The following CNTN4 variants were observed in gnomAD, a reference collection of about 807,000 sequenced individuals.
CNTN4 encodes contactin 4.
Under a neutral mutation model 122.5 loss-of-function variants are expected in CNTN4, and 77 were observed. The ratio of observed to expected loss-of-function variants is 0.63; its 90% confidence interval spans 0.52 to 0.76. CNTN4 has a LOEUF of 0.76. Ranked by LOEUF, CNTN4 falls within the 30% of genes least tolerant of loss-of-function variation. The pLI is 0.00. For missense variants in CNTN4, 1,256 were observed against 1,259.1 expected, an observed-to-expected ratio of 1.00 and a Z score of 0.04; for synonymous variants, 512 against 447.0, an observed-to-expected ratio of 1.15 and a Z score of -1.83.
At chr3:2,951,254 C>T (rs188902027) in intron 13 of CNTN4, among the ~76,000 whole-genome samples, 174 of 152,142 alleles carry the variant, frequency 1.1e-3, no homozygotes, top group Non-Finnish European at 1.9e-3. Context: ...CCACAGATGG[C>T]GGGTGGGGTG....
chr3:2,682,224 C>T (rs1021432903), intron 4 of CNTN4, among the ~76,000 whole-genome samples: 3 of 152,194 alleles, frequency 2.0e-5, no homozygotes, highest in African/African-American at 7.2e-5. Flanking sequence ...CATTTATGAT[C>T]TCTTGGAGGA....
chr3:2,807,007 TG>T (rs2092483132), intron 6 of CNTN4, among the ~76,000 whole-genome samples: 1 of 152,216 alleles, frequency 6.6e-6, no homozygotes, highest in African/African-American at 2.4e-5. Flanking sequence ...TTATTTTATT[TG>T]TCATCTCTTA....
intron 6 of CNTN4, among the ~76,000 whole-genome samples, chr3:2,788,270 A>G (rs972026441): frequency 1.1e-4 from 17 of 152,190 alleles, no homozygotes; most frequent in African/African-American, 4.1e-4. Context: ...GGATTTTTGA[A>G]ATGTGAATTG....
At chr3:2,276,088 G>A (rs999118910) in intron 2 of CNTN4, among the ~76,000 whole-genome samples, 6 of 151,796 alleles carry the variant, frequency 4.0e-5, no homozygotes, top group Admixed American at 2.6e-4. Flanking sequence ...ACGTATATAT[G>A]CAAATATGTT....
intron 3 of CNTN4, among the ~76,000 whole-genome samples, chr3:2,522,210 TATTAC>T (rs2077246658): frequency 6.6e-6 from 1 of 151,508 alleles, no homozygotes; most frequent in East Asian, 1.9e-4. Flanking sequence ...ATATGAAAGA[TATTAC>T]ATTACTACCA....
Position 2,764,875 on chromosome 3 carries a change from A to G in CNTN4, c.358+19178A>G, listed in dbSNP as rs75405502. Among the ~76,000 whole-genome samples, 614 of 152,280 alleles carry G rather than the reference A, an allele frequency of 4.0e-3. 5 individuals are homozygous for G. The highest frequency in any genetic ancestry group is 0.013 in the African/African-American group (557 of 41,532). On this transcript the variant is annotated intron_variant, in intron 6 of 24. Transcript: ENST00000418658. ...ATGTTCCCATTTTACGAAGGAGAGA[A>G]CTCAGACATAAAAAAATTAAATAAC...
At chr3:2,752,610 C>A (rs930553230) in intron 6 of CNTN4, among the ~76,000 whole-genome samples, 4 of 152,190 alleles carry the variant, frequency 2.6e-5, no homozygotes, top group Non-Finnish European at 4.4e-5. Flanking sequence ...CTCGGCCTCC[C>A]AAAGTGCTGG....
At chr3:3,003,679 T>G (rs1696266837) in intron 14 of CNTN4, among the ~76,000 whole-genome samples, 2 of 111,584 alleles carry the variant, frequency 1.8e-5, no homozygotes, top group Non-Finnish European at 3.4e-5. Context: ...TAGTCATGGT[T>G]GCACCAAAAA....
chr3:2,596,520 A>T (rs976751576), intron 4 of CNTN4, among the ~76,000 whole-genome samples: 1 of 152,240 alleles, frequency 6.6e-6, no homozygotes, highest in Admixed American at 6.5e-5. Flanking sequence ...ATATATATTT[A>T]CACATCTATA....
At chr3:2,943,848 T>A (rs1449346198) in intron 13 of CNTN4, among the ~76,000 whole-genome samples, 1 of 151,572 alleles carries the variant, frequency 6.6e-6, no homozygotes, top group East Asian at 1.9e-4. Context: ...GGTCTCGATC[T>A]CCTGACCTCG....
chr3:2,217,517 T>A (rs1379343071), intron 2 of CNTN4, among the ~76,000 whole-genome samples: 1 of 152,214 alleles, frequency 6.6e-6, no homozygotes, highest in African/African-American at 2.4e-5. Context: ...CCTTTTTGAG[T>A]AATCTTTGAA....
chr3:2,590,485 A>G (rs1338912641), intron 4 of CNTN4, among the ~76,000 whole-genome samples: 5 of 151,592 alleles, frequency 3.3e-5, no homozygotes, highest in African/African-American at 1.2e-4. Context: ...TCAAACTCCT[A>G]ACCTCAAGTG....
intron 5 of CNTN4, among the ~76,000 whole-genome samples, chr3:2,741,129 T>G (rs1516396): frequency 0.91 from 138,911 of 152,256 alleles, 63,448 homozygotes; most frequent in Non-Finnish European, 0.94. Flanking sequence ...AATGTACCAG[T>G]CAGCATGCTA....
intron 2 of CNTN4, among the ~76,000 whole-genome samples, chr3:2,179,736 G>C (rs1400983431): frequency 1.3e-5 from 2 of 151,630 alleles, no homozygotes; most frequent in Non-Finnish European, 2.9e-5. Context: ...TACCAAATTT[G>C]TTTATTCAGA....
In CNTN4 at chr3:2,841,662, A is replaced by G. The variant is rs757286724; in HGVS notation, c.454+22081A>G. On this transcript the variant is annotated intron_variant, in intron 7 of 24. Coordinates refer to ENST00000418658, the MANE Select transcript of CNTN4 (RefSeq NM_175607.3). The surrounding 1 kb of genome is among the most constrained non-coding windows in gnomAD (Gnocchi z 4.8). ...TTGTGGGTCAGAGGCTCTTTGTTAT[A>G]TGGTAGAAGTATAGTCCGTAAGGAA... is the stretch of plus-strand genomic sequence containing the variant. Among the ~76,000 whole-genome samples the G allele has an allele frequency of 6.6e-6, 1 of 152,214 alleles. No individual in the cohort carries two copies. Among genetic ancestry groups the G allele is most frequent in the Non-Finnish European group, 1.5e-5 (1 of 68,032 alleles).
At chr3:2,624,221 A>G (rs977597672) in intron 4 of CNTN4, among the ~76,000 whole-genome samples, 3 of 152,208 alleles carry the variant, frequency 2.0e-5, no homozygotes, top group South Asian at 2.1e-4. Flanking sequence ...AGAAAATACT[A>G]TCCTGAAAAA....
At chr3:2,524,894 T>C (rs2077346991) in intron 3 of CNTN4, among the ~76,000 whole-genome samples, 1 of 152,166 alleles carries the variant, frequency 6.6e-6, no homozygotes, top group East Asian at 1.9e-4. Flanking sequence ...GCTCAGCCTT[T>C]TGGAGGCTTA....
intron 4 of CNTN4, among the ~76,000 whole-genome samples, chr3:2,708,647 T>C (rs138641941): frequency 1.3e-5 from 2 of 150,802 alleles, no homozygotes; most frequent in African/African-American, 4.9e-5. Context: ...CTGGAGACCT[T>C]CATGTACTTC....
chr3:2,802,550 C>T (rs1449017691), intron 6 of CNTN4, among the ~76,000 whole-genome samples: 1 of 152,180 alleles, frequency 6.6e-6, no homozygotes, highest in Non-Finnish European at 1.5e-5. Context: ...ACCACGAATT[C>T]AATGTCAATG....
Sources: allele counts gnomAD v4.1 joint callset (sites outside exome capture counted in the v4.1 genomes callset), GRCh38; gene constraint gnomAD v4.1.1; non-coding constraint Gnocchi (gnomAD v3.1); transcripts MANE v1.5; gene names NCBI Gene and HGNC (gene_info 2026-07-23, HGNC 2026-07-21).